The following DNM3 variants were observed in gnomAD, a reference collection of about 807,000 sequenced individuals.
DNM3 encodes the protein dynamin 3, also known as dynamin-3.
Under a neutral mutation model 101.6 loss-of-function variants are expected in DNM3, and 47 were observed. The observed-to-expected ratio is 0.46, with a 90% confidence interval of 0.37 to 0.59. The LOEUF (loss-of-function observed/expected upper bound fraction) is 0.59, where lower values mean the gene tolerates loss of function less well. Ranked by LOEUF, DNM3 falls within the 20% of genes least tolerant of loss-of-function variation. DNM3 has a pLI of 0.00. For synonymous variants in DNM3, 385 were observed against 387.9 expected (o/e 0.99, Z 0.09); for missense variants, 849 against 1,085.7 (o/e 0.78, Z 3.06).
At chr1:171,849,862 G>A (rs2032714272) in intron 1 of DNM3, among the ~76,000 whole-genome samples, 2 of 152,156 alleles carry the variant, frequency 1.3e-5, no homozygotes, top group African/African-American at 4.8e-5. Flanking sequence ...GTCACATGGT[G>A]AGTACTAGAA....
At chr1:172,225,965 A>T (rs1018034612) in intron 14 of DNM3, among the ~76,000 whole-genome samples, 3 of 151,906 alleles carry the variant, frequency 2.0e-5, no homozygotes, top group Non-Finnish European at 4.4e-5. Flanking sequence ...CCAAATATAG[A>T]TTTATTACTC....
At chr1:172,340,056 T>A (rs1439904388) in intron 17 of DNM3, among the ~76,000 whole-genome samples, 1 of 152,126 alleles carries the variant, frequency 6.6e-6, no homozygotes, top group Non-Finnish European at 1.5e-5. Flanking sequence ...GATTGTGCAA[T>A]CTAGCAGCTG....
In DNM3 at chr1:172,409,078, G is replaced by T. The variant is rs1398470926; in HGVS notation, c.*1237G>T. 2 of 985,184 alleles carry T rather than the reference G, an allele frequency of 2.0e-6. No homozygotes were observed. The highest frequency in any genetic ancestry group is 2.4e-6 in the Non-Finnish European group (2 of 829,878). The allele number at this position is 985,184 out of a possible 1,614,324, so 61.0% of individuals were successfully genotyped here. A position where few individuals can be genotyped will look rare whatever the true frequency, so the allele number is the denominator to read the frequency against. ...AAATTTACCAGAACAGTTTAGCCTG[G>T]GGGTTAATAGTTAAGTCTTGAGGCT... On this transcript the variant is annotated 3_prime_UTR_variant, in exon 21 of 21. Transcript: ENST00000627582.
chr1:172,264,770 A>G (rs991388034), intron 15 of DNM3, among the ~76,000 whole-genome samples: 2 of 152,278 alleles, frequency 1.3e-5, no homozygotes, highest in South Asian at 2.1e-4. Context: ...CTTACCTCAC[A>G]GGTTAAGGAG....
intron 11 of DNM3, among the ~76,000 whole-genome samples, chr1:172,073,329 A>G (rs1172454677): frequency 6.6e-6 from 1 of 152,014 alleles, no homozygotes; most frequent in African/African-American, 2.4e-5. Context: ...ACATATGTGC[A>G]TATGTGTACA....
At chr1:172,222,087 T>C (rs1276549145) in intron 14 of DNM3, among the ~76,000 whole-genome samples, 1 of 152,188 alleles carries the variant, frequency 6.6e-6, no homozygotes, top group African/African-American at 2.4e-5. Context: ...TTCACAATTC[T>C]GATTTTCAAA....
chr1:171,863,650 C>T (rs911553506), intron 1 of DNM3, among the ~76,000 whole-genome samples: 6 of 152,094 alleles, frequency 3.9e-5, no homozygotes, highest in African/African-American at 1.2e-4. Context: ...TCTTTATGTC[C>T]GTTCTCTCCT....
intron 17 of DNM3, among the ~76,000 whole-genome samples, chr1:172,327,945 G>T (rs538226835): frequency 2.6e-4 from 40 of 152,184 alleles, no homozygotes; most frequent in African/African-American, 8.9e-4. Flanking sequence ...CCTTATTTTT[G>T]AATCCCCTCA....
chr1:172,207,075 A>G (rs1572952471), intron 14 of DNM3, among the ~76,000 whole-genome samples: 1 of 150,024 alleles, frequency 6.7e-6, no homozygotes, highest in East Asian at 1.9e-4. Flanking sequence ...CTCATTACAC[A>G]TTCTGGCTTT....
At chr1:172,067,772 G>A (rs968964155) in intron 10 of DNM3, among the ~76,000 whole-genome samples, 2 of 152,142 alleles carry the variant, frequency 1.3e-5, no homozygotes, top group Non-Finnish European at 2.9e-5. Flanking sequence ...TTTAGATGGG[G>A]TTAAGTGATT....
At chr1:172,230,445 T>A (rs2061291385) in intron 14 of DNM3, among the ~76,000 whole-genome samples, 1 of 152,198 alleles carries the variant, frequency 6.6e-6, no homozygotes, top group Non-Finnish European at 1.5e-5. Context: ...TGTAGGGGAT[T>A]GATTGTTTTG....
Position 172,409,913 on chromosome 1 carries a change from T to C in DNM3, c.*2072T>C. On this transcript the variant is annotated 3_prime_UTR_variant, in exon 21 of 21. Coordinates refer to ENST00000627582, the MANE Select transcript of DNM3 (RefSeq NM_015569.5). ...TTGTGAATAACCACTGGTGTGTTCTTAGATCAGCACAAACCATGTCAAAAA... is the reference window on the plus strand; with the variant it reads ...TTGTGAATAACCACTGGTGTGTTCTCAGATCAGCACAAACCATGTCAAAAA... The C allele has an allele frequency of 2.0e-6, 2 of 985,778 alleles. No homozygotes were observed. 61.1% of individuals were successfully genotyped at this position (985,778 alleles called of 1,614,324 possible). A position where few individuals can be genotyped will look rare whatever the true frequency, so the allele number is the denominator to read the frequency against.
chr1:172,040,887 A>G (rs1371517085), intron 7 of DNM3, among the ~76,000 whole-genome samples: 4 of 152,122 alleles, frequency 2.6e-5, no homozygotes, highest in Non-Finnish European at 4.4e-5. Flanking sequence ...CATTTGGGGA[A>G]CTGCAATGGC....
intron 15 of DNM3, among the ~76,000 whole-genome samples, chr1:172,280,161 C>T (rs749987616): frequency 3.3e-5 from 5 of 152,056 alleles, no homozygotes; most frequent in Non-Finnish European, 4.4e-5. Context: ...CCCAGAAACT[C>T]CCGTGAGTCA....
At chr1:172,332,932 GCAGA>G (rs563343852) in intron 17 of DNM3, among the ~76,000 whole-genome samples, 87 of 152,272 alleles carry the variant, frequency 5.7e-4, no homozygotes, top group African/African-American at 2.0e-3. Context: ...GAAGATGTTT[GCAGA>G]CAGAGATTTA....
At chr1:171,994,790 G>A (rs914835839) in intron 4 of DNM3, among the ~76,000 whole-genome samples, 2 of 150,486 alleles carry the variant, frequency 1.3e-5, no homozygotes, top group African/African-American at 4.9e-5. Context: ...GATTATTTTT[G>A]ACAAATTTTT....
chr1:172,033,256 C>T lies in DNM3; in HGVS notation c.840C>T (p.Val280=). Residue 280 remains valine, a synonymous_variant, in exon 6 of 21, where the codon GTC becomes GTT. Coordinates refer to ENST00000627582, the MANE Select transcript of DNM3 (RefSeq NM_015569.5). The stretch of plus-strand genomic sequence containing the variant: ...TGGGAACCCCACACCTGCAGAAGGT[C>T]CTTAATCAGGTAAAAATGTTCTTTC... ...DRMGTPHLQK[V]LNQQLTNHIR... The T allele has an allele frequency of 6.3e-7, 1 of 1,597,372 alleles. No individual in the cohort carries two copies. Among genetic ancestry groups the T allele is most frequent in the Non-Finnish European group, 8.5e-7 (1 of 1,171,738 alleles).
intron 1 of DNM3, among the ~76,000 whole-genome samples, chr1:171,862,559 G>T (rs954872174): frequency 1.1e-4 from 17 of 152,070 alleles, no homozygotes; most frequent in Non-Finnish European, 1.6e-4. Context: ...GCAGATTGGT[G>T]TTTGCCAGGG....
chr1:172,035,054 G>A lies in DNM3; in HGVS notation c.849+1789G>A, dbSNP rs2048859525. On this transcript the variant is annotated intron_variant, in intron 6 of 20. Coordinates refer to ENST00000627582, the MANE Select transcript of DNM3 (RefSeq NM_015569.5). ...AAAAATGAGAAATTATGGGAATTTG[G>A]TTGTGGTAAGGGCCAGTGGAGAGTA... Among the ~76,000 whole-genome samples, 4 of 152,122 alleles carry A rather than the reference G, an allele frequency of 2.6e-5. No individual in the cohort carries two copies. In the South Asian group the frequency reaches 8.3e-4, roughly 32 times the overall value.
Sources: allele counts gnomAD v4.1 joint callset (sites outside exome capture counted in the v4.1 genomes callset), GRCh38; gene constraint gnomAD v4.1.1; transcripts MANE v1.5; gene names NCBI Gene and HGNC (gene_info 2026-07-23, HGNC 2026-07-21).